Variants in RTN3 observed in about 807,000 individuals in gnomAD.
The protein encoded by RTN3 is reticulon 3.
In RTN3, 49 loss-of-function variants were observed where a neutral mutation model predicts 77.8. The ratio of observed to expected loss-of-function variants is 0.63; its 90% CI spans 0.50 to 0.80. The LOEUF is 0.80. Ranked by LOEUF, RTN3 falls within the 30% of genes least tolerant of loss-of-function variation. The pLI, the probability that RTN3 is intolerant of heterozygous loss-of-function variation, is 0.00. For missense variants in RTN3, 1,236 were observed against 1,211.9 expected, an observed-to-expected ratio of 1.02 and a Z score of -0.29; for synonymous variants, 464 against 446.9, an observed-to-expected ratio of 1.04 and a Z score of -0.48.
chr11:63,758,509 A>T lies in RTN3; in HGVS notation c.*308A>T. 1.5e-6 allele frequency: 1 copy of T among 647,554 alleles called. No homozygotes were observed. Among genetic ancestry groups the T allele is most frequent in the Non-Finnish European group, 2.5e-6 (1 of 395,302 alleles). 40.1% of individuals were successfully genotyped at this position (647,554 alleles called of 1,614,324 possible). On this transcript the variant is annotated 3_prime_UTR_variant, in exon 9 of 9. Transcript: ENST00000377819. ...TGAAAGGGGAAAGATTGGAGGTAAG[A>T]GAGAAAATGAAAGAACACCTCTGGG... is the stretch of plus-strand genomic sequence containing the variant.
intron 1 of RTN3, among the ~76,000 whole-genome samples, chr11:63,691,761 T>C (rs575307228): frequency 2.4e-4 from 37 of 152,326 alleles, no homozygotes; most frequent in African/African-American, 8.4e-4. Flanking sequence ...CAATCTCCAT[T>C]GCTACCACCC....
At chr11:63,734,214 G>A (rs527787329) in intron 3 of RTN3, among the ~76,000 whole-genome samples, 65 of 152,216 alleles carry the variant, frequency 4.3e-4, no homozygotes, top group Middle Eastern at 3.4e-3. Flanking sequence ...TTGGGAGGCC[G>A]AGGTGGGCAG....
chr11:63,757,135 A>C (rs959440629), intron 8 of RTN3, among the ~76,000 whole-genome samples: 2 of 152,226 alleles, frequency 1.3e-5, no homozygotes, highest in East Asian at 3.8e-4. Context: ...TCAGAAACAA[A>C]AGTTCTAGTA....
intron 3 of RTN3, among the ~76,000 whole-genome samples, chr11:63,742,290 G>T (rs1341674277): frequency 6.6e-6 from 1 of 151,038 alleles, no homozygotes; most frequent in African/African-American, 2.4e-5. Flanking sequence ...GGCTCTTCTA[G>T]GTTCTTTACA....
At chr11:63,694,775 C>G (rs1431717948) in intron 1 of RTN3, among the ~76,000 whole-genome samples, 1 of 152,180 alleles carries the variant, frequency 6.6e-6, no homozygotes, top group Admixed American at 6.6e-5. Flanking sequence ...AATTTCATAT[C>G]TACATAGTCC....
intron 3 of RTN3, among the ~76,000 whole-genome samples, chr11:63,748,661 C>CTTT (rs561644667): frequency 4.7e-5 from 5 of 105,924 alleles, no homozygotes; most frequent in African/African-American, 1.2e-4. Flanking sequence ...GCCCCACTCA[C>CTTT]TTTTTTTTTT....
intron 1 of RTN3, among the ~76,000 whole-genome samples, chr11:63,695,082 G>A (rs193091338): frequency 1.5e-4 from 23 of 152,108 alleles, no homozygotes; most frequent in African/African-American, 5.1e-4. Flanking sequence ...TAGAGTTTGG[G>A]TTTCAGCAAA....
intron 2 of RTN3, among the ~76,000 whole-genome samples, chr11:63,710,437 C>T (rs1219079002): frequency 1.3e-5 from 2 of 152,058 alleles, no homozygotes; most frequent in Non-Finnish European, 2.9e-5. Context: ...AAATTTCTTC[C>T]TCAATTCCCA....
In RTN3 at chr11:63,718,843, T is replaced by C. The variant is rs773248006; in HGVS notation, c.341T>C (p.Leu114Ser). ...CATGTGTTAGGGAGCCAGCCTATTT[T>C]AGCCAAAGAAGGAAAAGACCACTTG... ...KSHVLGSQPI[L>S]AKEGKDHLDL... Residue 114 changes from leucine (L) to serine (S), a missense_variant, in exon 3 of 9, where the codon TTA (leucine) becomes TCA (serine). This residue lies in a region of RTN3 where 1,056 missense variants were observed against 990.4 expected (regional missense o/e 1.07). Coordinates refer to ENST00000377819, the MANE Select transcript of RTN3 (RefSeq NM_001265589.2). 7.4e-6 allele frequency: 12 copies of C among 1,614,178 alleles called. No homozygotes were observed. Among genetic ancestry groups the C allele is most frequent in the Non-Finnish European group, 7.6e-6 (9 of 1,180,030 alleles).
rs574259996 is a variant in RTN3, at chr11:63,687,663, T to C, written c.142+5885T>C. Among the ~76,000 whole-genome samples, 31 of 151,858 alleles carry C rather than the reference T, an allele frequency of 2.0e-4. 1 individual carries two copies. In the South Asian group the frequency reaches 6.0e-3, roughly 30 times the overall value. ...AGGGCTTAACACAGTGTCTTGCCTGTAGTAAATAACTGTACCATTAATGTG... is the reference window on the plus strand; with the variant it reads ...AGGGCTTAACACAGTGTCTTGCCTGCAGTAAATAACTGTACCATTAATGTG... On this transcript the variant is annotated intron_variant, in intron 1 of 8. Coordinates refer to ENST00000377819, the MANE Select transcript of RTN3 (RefSeq NM_001265589.2).
At chr11:63,740,933 C>A (rs1467378911) in intron 3 of RTN3, among the ~76,000 whole-genome samples, 1 of 152,084 alleles carries the variant, frequency 6.6e-6, no homozygotes, top group Non-Finnish European at 1.5e-5. Context: ...CTGGCAACAT[C>A]CCTATGAAGT....
In RTN3 at chr11:63,748,122, G is replaced by A. The variant is rs374874209; in HGVS notation, c.2531-1869G>A. Among the ~76,000 whole-genome samples, 64 of 151,466 alleles carry A rather than the reference G, an allele frequency of 4.2e-4. 1 individual carries two copies. The South Asian group carries it at 0.012, about 29-fold the overall frequency. ...GAGGTCAGGAGTTCGAGACCAGCCT[G>A]GCCAATATGGTGAAACCCTGACTGT... On this transcript the variant is annotated intron_variant, in intron 3 of 8. Transcript: ENST00000377819.
intron 1 of RTN3, among the ~76,000 whole-genome samples, chr11:63,704,364 T>C (rs1942392452): frequency 6.6e-6 from 1 of 152,146 alleles, no homozygotes. Flanking sequence ...CATGGATTAA[T>C]TGTGATTTTT....
chr11:63,749,887 TG>T, intron 3 of RTN3, 103 bp from the exon 4 acceptor site: 1 of 804,586 alleles, frequency 1.2e-6, no homozygotes, highest in Non-Finnish European at 2.0e-6. Flanking sequence ...TATCTTAAAG[TG>T]GGGCATACCT....
chr11:63,745,625 C>G (rs1429470997), intron 3 of RTN3, among the ~76,000 whole-genome samples: 1 of 152,190 alleles, frequency 6.6e-6, no homozygotes, highest in East Asian at 1.9e-4. Flanking sequence ...CTATCCCAGA[C>G]CATAATTCCA....
chr11:63,734,781 A>ACACACC (rs778043704), intron 3 of RTN3, among the ~76,000 whole-genome samples: 1,529 of 105,050 alleles, frequency 0.015, 87 homozygotes, highest in East Asian at 0.045. Flanking sequence ...ACACACACAC[A>ACACACC]CCATACTGGA....
Position 63,741,197 on chromosome 11 carries a change from A to AT in RTN3, c.2531-8791dup, listed in dbSNP as rs1314917303. Among the ~76,000 whole-genome samples, 53 of 145,458 alleles carry AT rather than the reference A, an allele frequency of 3.6e-4. 1 individual carries two copies. The South Asian group carries it at 5.9e-3, about 16-fold the overall frequency. ...TTTATTTTATTATAGTTATTTATTTATTTATTTATTTATTTATTTTTTGAG... is the reference window on the plus strand; with the variant it reads ...TTTATTTTATTATAGTTATTTATTTATTTTATTTATTTATTTATTTTTTGAG... On this transcript the variant is annotated intron_variant, in intron 3 of 8. Transcript: ENST00000377819.
intron 3 of RTN3, among the ~76,000 whole-genome samples, chr11:63,737,056 C>T (rs916653120): frequency 1.3e-5 from 2 of 151,376 alleles, no homozygotes; most frequent in Non-Finnish European, 2.9e-5. Flanking sequence ...CTCACTGCTG[C>T]CTCCTGGGCT....
At chr11:63,740,589 G>T (rs904208313) in intron 3 of RTN3, among the ~76,000 whole-genome samples, 1 of 150,764 alleles carries the variant, frequency 6.6e-6, no homozygotes, top group Non-Finnish European at 1.5e-5. Context: ...GAGCCACCGC[G>T]CCTGGCCTTT....
Sources: allele counts gnomAD v4.1 joint callset (sites outside exome capture counted in the v4.1 genomes callset), GRCh38; gene constraint gnomAD v4.1.1; regional missense constraint gnomAD v4.1.1; transcripts MANE v1.5; gene names NCBI Gene and HGNC (gene_info 2026-07-23, HGNC 2026-07-21).